The following LRP1B variants were observed in gnomAD, a reference collection of about 807,000 sequenced individuals.
LRP1B encodes low-density lipoprotein receptor-related protein 1B.
A neutral mutation model predicts 556.6 loss-of-function variants in LRP1B; 217 were observed. The ratio of observed to expected loss-of-function variants is 0.39; its 90% CI spans 0.35 to 0.44. The LOEUF (loss-of-function observed/expected upper bound fraction) is 0.44. Among genes scored for constraint, LRP1B ranks in the 20% least tolerant of loss-of-function variants. The pLI is 1.00. For synonymous variants in LRP1B, 2,047 were observed against 1,865.8 expected, an observed-to-expected ratio of 1.10 and a Z score of -2.50; for missense variants, 5,053 against 5,620.8, an observed-to-expected ratio of 0.90 and a Z score of 3.23.
intron 47 of LRP1B, among the ~76,000 whole-genome samples, chr2:140,533,688 C>A (rs1027200256): frequency 3.9e-5 from 6 of 151,996 alleles, no homozygotes; most frequent in African/African-American, 1.4e-4. Context: ...ATGAGTAAAA[C>A]AGAGAACTAA....
chr2:141,897,486 A>G (rs1699487853), intron 1 of LRP1B, among the ~76,000 whole-genome samples: 2 of 152,144 alleles, frequency 1.3e-5, no homozygotes, highest in Non-Finnish European at 2.9e-5. Flanking sequence ...TGAATATTTT[A>G]CAGAAGCTTA....
chr2:141,248,981 T>C (rs2105330780), intron 4 of LRP1B, among the ~76,000 whole-genome samples: 1 of 152,208 alleles, frequency 6.6e-6, no homozygotes. Context: ...AAGTGAAAAT[T>C]GATTGAATTT....
At chr2:141,066,501 A>G (rs535256348) in intron 7 of LRP1B, among the ~76,000 whole-genome samples, 1 of 152,138 alleles carries the variant, frequency 6.6e-6, no homozygotes, top group East Asian at 1.9e-4. Context: ...CAATTGTTAT[A>G]CATACTGACA....
intron 2 of LRP1B, among the ~76,000 whole-genome samples, chr2:141,808,536 C>T (rs1696235696): frequency 6.6e-6 from 1 of 152,070 alleles, no homozygotes; most frequent in Non-Finnish European, 1.5e-5. Flanking sequence ...TTTCTTCATC[C>T]ATATGCACAA....
Position 140,541,781 on chromosome 2 carries a change from C to T in LRP1B, c.7385G>A (p.Ser2462Asn), listed in dbSNP as rs2105019796. The part of the protein sequence containing the change: ...GIIAVANDTN[S>N]CELSPCALLN... ...ATTTGCTTTCTATTATAACTTACAGCTATTGGTGTCATTGGCAACAGCTAT... is the reference window on the plus strand; with the variant it reads ...ATTTGCTTTCTATTATAACTTACAGTTATTGGTGTCATTGGCAACAGCTAT... Residue 2462 changes from serine (S) to asparagine (N), a missense_variant and splice_region_variant, in exon 44 of 91, where the codon AGC becomes AAC. Coordinates refer to ENST00000389484, the MANE Select transcript of LRP1B (RefSeq NM_018557.3). 6.2e-7 allele frequency: 1 copy of T among 1,609,032 alleles called. No homozygotes were observed. The highest frequency in any genetic ancestry group is 2.2e-5 in the East Asian group (1 of 44,814).
intron 4 of LRP1B, among the ~76,000 whole-genome samples, chr2:141,247,716 C>A (rs539037763): frequency 2.0e-5 from 3 of 152,004 alleles, no homozygotes; most frequent in Admixed American, 1.3e-4. Context: ...ACAAAGAATT[C>A]GACTAGTAAC....
intron 3 of LRP1B, among the ~76,000 whole-genome samples, chr2:141,457,157 G>T (rs1003708291): frequency 1.3e-5 from 2 of 152,170 alleles, no homozygotes; most frequent in African/African-American, 4.8e-5. Context: ...GTAGTTAAGG[G>T]TTAAGAATAA....
chr2:140,428,905 A>G (rs973353974), intron 66 of LRP1B, among the ~76,000 whole-genome samples: 9 of 152,154 alleles, frequency 5.9e-5, no homozygotes, highest in Non-Finnish European at 8.8e-5. Context: ...TTAGGCTGAG[A>G]TATTTTAACT....
At chr2:141,761,527 A>G (rs1173217180) in intron 2 of LRP1B, among the ~76,000 whole-genome samples, 2 of 152,192 alleles carry the variant, frequency 1.3e-5, no homozygotes, top group East Asian at 3.8e-4. Flanking sequence ...AAATAATGAC[A>G]AAATAATGAT....
chr2:141,390,867 A>G (rs930694085), intron 3 of LRP1B, among the ~76,000 whole-genome samples: 2 of 152,226 alleles, frequency 1.3e-5, no homozygotes, highest in African/African-American at 4.8e-5. Flanking sequence ...TAATGTACTA[A>G]TTGCCATTGA....
At chr2:140,922,562 A>T (rs1372580525) in intron 21 of LRP1B, among the ~76,000 whole-genome samples, 1 of 152,002 alleles carries the variant, frequency 6.6e-6, no homozygotes, top group Non-Finnish European at 1.5e-5. Context: ...CGGAAAGAGA[A>T]ATGCTGCCAG....
intron 89 of LRP1B, among the ~76,000 whole-genome samples, chr2:140,237,848 GT>G (rs1284735337): frequency 1.3e-5 from 2 of 150,550 alleles, no homozygotes; most frequent in East Asian, 2.0e-4. Flanking sequence ...TGAGTTTTTC[GT>G]TTGCTTTATG....
rs777638199 is a variant in LRP1B at position 140,525,896 on chromosome 2, T to C, written c.7974A>G (p.Ile2658Met). 15 of 1,612,470 alleles carry C rather than the reference T, an allele frequency of 9.3e-6. No homozygotes were observed. Among genetic ancestry groups the C allele is most frequent in the Admixed American group, 1.7e-5 (1 of 59,794 alleles). ...CTCCACAGTCATTAGACCCGTCGCA[T>C]ATCCAGGTTGGCAGAACACACAGTG... ...STSLCVLPTW[I>M]CDGSNDCGDY... Residue 2658 changes from isoleucine to methionine, a missense_variant, in exon 49 of 91, where the codon ATA (isoleucine) becomes ATG (methionine). By Grantham distance (10) the Ile-to-Met change is conservative. Coordinates refer to ENST00000389484, the MANE Select transcript of LRP1B (RefSeq NM_018557.3).
intron 41 of LRP1B, among the ~76,000 whole-genome samples, chr2:140,684,947 C>T (rs1384609392): frequency 6.6e-6 from 1 of 152,104 alleles, no homozygotes; most frequent in African/African-American, 2.4e-5. Flanking sequence ...TTCATCTCTA[C>T]CCCCTTATTT....
intron 2 of LRP1B, among the ~76,000 whole-genome samples, chr2:141,526,453 CATTAAT>C (rs1684696487): frequency 6.6e-6 from 1 of 151,970 alleles, no homozygotes; most frequent in Non-Finnish European, 1.5e-5. Flanking sequence ...AGTGAAGCAA[CATTAAT>C]ATTAATTACT....
chr2:141,995,896 A>G (rs959826346), intron 1 of LRP1B, among the ~76,000 whole-genome samples: 1 of 152,214 alleles, frequency 6.6e-6, no homozygotes, highest in African/African-American at 2.4e-5. Context: ...TGGGTTTTAA[A>G]AAAGCTTCAG....
intron 2 of LRP1B, among the ~76,000 whole-genome samples, chr2:141,603,802 T>G (rs923090583): frequency 1.3e-5 from 2 of 152,182 alleles, no homozygotes; most frequent in African/African-American, 2.4e-5. Context: ...AAAACTCATC[T>G]AGAGGAGCAA....
At position 141,392,585 on chromosome 2, in the gene LRP1B, A is replaced by G. The variant is rs1170810340; in HGVS notation, c.343+87811T>C. 3.3e-5 allele frequency among the ~76,000 whole-genome samples: 5 copies of G among 152,014 alleles called. No homozygotes were observed. In the East Asian group the frequency reaches 9.7e-4, roughly 29 times the overall value. On this transcript the variant is annotated intron_variant, in intron 3 of 90. Transcript: ENST00000389484. ...TGTGTAACTTCTGTGATTCTTAGTT[A>G]ATGACACGAAGAATGTAGAATCTGC...
intron 35 of LRP1B, among the ~76,000 whole-genome samples, chr2:140,760,281 G>T (rs1688869621): frequency 6.6e-6 from 1 of 152,168 alleles, no homozygotes; most frequent in Admixed American, 6.5e-5. Context: ...TTTTGGGATG[G>T]ATAATACTTC....
Sources: gnomAD v4.1 joint callset for allele counts (sites outside exome capture counted in the v4.1 genomes callset) on GRCh38, gnomAD v4.1.1 for gene constraint, MANE v1.5 for transcripts, NCBI Gene and HGNC (gene_info 2026-07-23, HGNC 2026-07-21) for gene names.